The following SYK variants were observed in gnomAD, a reference collection of about 807,000 sequenced individuals.
The protein encoded by SYK is tyrosine-protein kinase SYK.
Under a neutral mutation model 77.8 loss-of-function variants are expected in SYK, and 16 were observed. That is an observed-to-expected ratio of 0.21 (90% confidence interval 0.14 to 0.31). SYK has a LOEUF of 0.31. SYK is among the 10% of genes least tolerant of loss of function. SYK has a pLI of 1.00. For synonymous variants in SYK, 312 were observed against 308.7 expected (o/e 1.01, Z -0.11); for missense variants, 529 against 814.4 (o/e 0.65, Z 4.26).
At chr9:90,816,583 G>A (rs922529685) in intron 1 of SYK, among the ~76,000 whole-genome samples, 6 of 152,164 alleles carry the variant, frequency 3.9e-5, no homozygotes, top group African/African-American at 1.2e-4. Context: ...TATTATATCT[G>A]TACAAGGTGG....
intron 7 of SYK, 43 bp from the exon 8 acceptor site, chr9:90,874,161 T>G: frequency 6.8e-7 from 1 of 1,462,342 alleles, no homozygotes; most frequent in East Asian, 2.3e-5. Flanking sequence ...TTAACAGTTT[T>G]GTGGATGAAG....
chr9:90,868,048 C>T (rs1216384137), intron 7 of SYK, among the ~76,000 whole-genome samples: 1 of 152,010 alleles, frequency 6.6e-6, no homozygotes, highest in Non-Finnish European at 1.5e-5. Flanking sequence ...AAATAGATTG[C>T]CTAAAGTATT....
At chr9:90,831,093 G>A (rs1245367142) in intron 1 of SYK, among the ~76,000 whole-genome samples, 3 of 152,136 alleles carry the variant, frequency 2.0e-5, no homozygotes. Context: ...GTATGGATTT[G>A]GCAACAATTG....
At chr9:90,805,867 A>G (rs1824816849) in intron 1 of SYK, among the ~76,000 whole-genome samples, 1 of 152,150 alleles carries the variant, frequency 6.6e-6, no homozygotes, top group Non-Finnish European at 1.5e-5. Context: ...CTATTTCCTT[A>G]TGATTGGCAT....
At chr9:90,827,981 T>TA (rs1825715384) in intron 1 of SYK, among the ~76,000 whole-genome samples, 1 of 4,372 alleles carries the variant, frequency 2.3e-4, no homozygotes, top group Non-Finnish European at 3.4e-4. Flanking sequence ...ATGCTAGCGA[T>TA]TTTTTTTAAA....
chr9:90,884,990 A>G (rs11534277), intron 11 of SYK, among the ~76,000 whole-genome samples: 11,785 of 141,864 alleles, frequency 0.083, 836 homozygotes, highest in East Asian at 0.37. Flanking sequence ...CCCAACATAT[A>G]TATACCCAAC....
At chr9:90,884,318 CAT>C (rs1157046854) in intron 11 of SYK, among the ~76,000 whole-genome samples, 1 of 129,112 alleles carries the variant, frequency 7.7e-6, no homozygotes, top group Non-Finnish European at 1.6e-5. Context: ...CACATATACA[CAT>C]ACACATACGT....
intron 11 of SYK, 62 bp downstream of exon 11, chr9:90,879,015 G>A (rs1193226085): frequency 5.6e-6 from 7 of 1,251,402 alleles, no homozygotes; most frequent in South Asian, 3.0e-5. Context: ...ATAAATGTAC[G>A]TTTTCTTTAT....
chr9:90,881,399 G>A (rs1828143471), intron 11 of SYK, among the ~76,000 whole-genome samples: 1 of 152,134 alleles, frequency 6.6e-6, no homozygotes, highest in Non-Finnish European at 1.5e-5. Flanking sequence ...TAAAAAGTGG[G>A]CCGGGCGTGG....
chr9:90,871,606 G>A (rs1827728742), intron 7 of SYK, among the ~76,000 whole-genome samples: 1 of 152,194 alleles, frequency 6.6e-6, no homozygotes. Context: ...GAAAGATGAA[G>A]CATGGATTTT....
chr9:90,808,878 A>T (rs7046193), intron 1 of SYK, among the ~76,000 whole-genome samples: 35,569 of 151,980 alleles, frequency 0.23, 4,222 homozygotes, highest in Middle Eastern at 0.35. Context: ...TGTGAGCCTG[A>T]CCTGCTTCAT....
At chr9:90,869,681 A>T (rs1369198568) in intron 7 of SYK, among the ~76,000 whole-genome samples, 1 of 152,254 alleles carries the variant, frequency 6.6e-6, no homozygotes, top group East Asian at 1.9e-4. Flanking sequence ...ACATGTTAGA[A>T]CTTGAACTAC....
At chr9:90,841,152 G>C (rs1826300027) in intron 1 of SYK, among the ~76,000 whole-genome samples, 1 of 150,374 alleles carries the variant, frequency 6.7e-6, no homozygotes, top group African/African-American at 2.5e-5. Context: ...TGCATGTAGT[G>C]ATGTGGTGTG....
intron 11 of SYK, among the ~76,000 whole-genome samples, chr9:90,886,655 A>C (rs1436344403): frequency 6.6e-6 from 1 of 152,184 alleles, no homozygotes; most frequent in African/African-American, 2.4e-5. Context: ...CAGTGAGCTG[A>C]AATCACACTA....
chr9:90,891,139 C>T (rs1487472180), intron 13 of SYK, among the ~76,000 whole-genome samples: 8 of 130,326 alleles, frequency 6.1e-5, no homozygotes, highest in Non-Finnish European at 1.3e-4. Flanking sequence ...GCCATGTTGC[C>T]TGCTTTTTTT....
intron 11 of SYK, among the ~76,000 whole-genome samples, chr9:90,886,388 G>A (rs182162856): frequency 8.5e-5 from 13 of 152,304 alleles, no homozygotes; most frequent in East Asian, 5.8e-4. Context: ...TAGTCACTAC[G>A]GAAAATATTA....
intron 1 of SYK, among the ~76,000 whole-genome samples, chr9:90,818,474 G>C (rs1825380356): frequency 6.6e-6 from 1 of 152,164 alleles, no homozygotes; most frequent in Admixed American, 6.5e-5. Flanking sequence ...TCAGGAGCAG[G>C]GTGAGGTATG....
At position 90,896,027 on chromosome 9, in the gene SYK, T is replaced by C; in HGVS notation, c.*427T>C. The stretch of plus-strand genomic sequence containing the variant: ...AAATGCCCAAGGATGCCTTAGCATG[T>C]GACTCCTGAAGGGAAGGCAAAGGCA... On this transcript the variant is annotated 3_prime_UTR_variant, in exon 14 of 14. Coordinates refer to ENST00000375754, the MANE Select transcript of SYK (RefSeq NM_003177.7). 1 of 241,172 alleles carries C rather than the reference T, an allele frequency of 4.1e-6. No homozygotes were observed. Among genetic ancestry groups the C allele is most frequent in the Non-Finnish European group, 8.1e-6 (1 of 122,708 alleles). 14.9% of individuals were successfully genotyped at this position (241,172 alleles called of 1,614,324 possible). A position where few individuals can be genotyped will look rare whatever the true frequency, so the allele number is the denominator to read the frequency against.
intron 1 of SYK, among the ~76,000 whole-genome samples, chr9:90,824,288 G>C (rs1382581881): frequency 6.6e-6 from 1 of 152,104 alleles, no homozygotes; most frequent in African/African-American, 2.4e-5. Context: ...GGGTCCACTA[G>C]TGAATTCTGT....
Sources: gnomAD v4.1 joint callset for allele counts (sites outside exome capture counted in the v4.1 genomes callset) on GRCh38, gnomAD v4.1.1 for gene constraint, MANE v1.5 for transcripts, NCBI Gene and HGNC (gene_info 2026-07-23, HGNC 2026-07-21) for gene names.